Variants in TENM3 observed in about 807,000 individuals in gnomAD.
TENM3 encodes the protein teneurin-3.
A neutral mutation model predicts 255.1 loss-of-function variants in TENM3; 63 were observed. The ratio of observed to expected loss-of-function variants is 0.25; its 90% CI spans 0.20 to 0.30. TENM3 has a LOEUF of 0.30. TENM3 is among the 10% of genes least tolerant of loss of function. TENM3 has a pLI of 1.00. For missense variants in TENM3, 2,929 were observed against 3,461.1 expected (o/e 0.85, Z 3.86); for synonymous variants, 1,306 against 1,322.3 (o/e 0.99, Z 0.27).
At chr4:181,958,922 G>T in the TENM3 span, among the ~76,000 whole-genome samples, 1 of 152,060 alleles carries the variant, frequency 6.6e-6, no homozygotes, top group African/African-American at 2.4e-5. Context: ...GTATATAAAC[G>T]TATTTCAATA....
intron 13 of TENM3, among the ~76,000 whole-genome samples, chr4:182,722,534 G>A (rs555495709): frequency 6.6e-6 from 1 of 151,832 alleles, no homozygotes; most frequent in Non-Finnish European, 1.5e-5. Flanking sequence ...TGAAGGAATT[G>A]AGGGCTATGT....
At chr4:182,778,764 A>G (rs1471019360) in intron 24 of TENM3, among the ~76,000 whole-genome samples, 1 of 151,994 alleles carries the variant, frequency 6.6e-6, no homozygotes, top group African/African-American at 2.4e-5. Flanking sequence ...ATTTTTTTCC[A>G]TGCTTACTTA....
chr4:182,489,066 A>C (rs748314779), intron 3 of TENM3, among the ~76,000 whole-genome samples: 1 of 152,174 alleles, frequency 6.6e-6, no homozygotes, highest in Admixed American at 6.5e-5. Flanking sequence ...GTGAGTATAC[A>C]TGCTTTTCTG....
intron 19 of TENM3, among the ~76,000 whole-genome samples, chr4:182,749,345 C>CAAACCT (rs1341801470): frequency 6.6e-6 from 1 of 152,096 alleles, no homozygotes; most frequent in African/African-American, 2.4e-5. Context: ...TTAGGTTTAA[C>CAAACCT]AAACCTAAAC....
intron 1 of TENM3, among the ~76,000 whole-genome samples, chr4:182,176,134 G>C (rs937155689): frequency 2.7e-5 from 3 of 110,552 alleles, no homozygotes; most frequent in Admixed American, 9.7e-5. Flanking sequence ...TGTTAGACTT[G>C]TATCACACAG....
chr4:182,037,150 A>ATTTTTTTTTTTTTTTTT, the TENM3 span, among the ~76,000 whole-genome samples: 447 of 144,630 alleles, frequency 3.1e-3, 11 homozygotes, highest in African/African-American at 0.011. Context: ...AACTCCTTTT[A>ATTTTTTTTTTTTTTTTT]TTTTTTTTTT....
intron 1 of TENM3, among the ~76,000 whole-genome samples, chr4:182,289,556 T>G (rs1311554159): frequency 6.6e-6 from 1 of 152,232 alleles, no homozygotes; most frequent in East Asian, 1.9e-4. Flanking sequence ...TAACTAAATC[T>G]TATTGAGGGA....
the TENM3 span, among the ~76,000 whole-genome samples, chr4:181,985,174 T>C: frequency 1.1e-4 from 17 of 151,704 alleles, no homozygotes; most frequent in African/African-American, 3.9e-4. Flanking sequence ...AGAAAAAGAA[T>C]GTATATAATT....
intron 12 of TENM3, among the ~76,000 whole-genome samples, chr4:182,708,780 A>G (rs1397563511): frequency 6.8e-6 from 1 of 148,018 alleles, no homozygotes; most frequent in African/African-American, 2.5e-5. Flanking sequence ...CCTGGGCGAC[A>G]GAGCGAGACT....
At chr4:182,029,256 A>G in the TENM3 span, among the ~76,000 whole-genome samples, 5 of 151,950 alleles carry the variant, frequency 3.3e-5, no homozygotes, top group African/African-American at 1.2e-4. Context: ...ATGGTTTAAC[A>G]TTTCCCCCTC....
chr4:181,868,494 C>T, the TENM3 span, among the ~76,000 whole-genome samples: 1 of 152,184 alleles, frequency 6.6e-6, no homozygotes, highest in African/African-American at 2.4e-5. Context: ...TTACTCTCAA[C>T]CCCAGCAAAC....
the TENM3 span, among the ~76,000 whole-genome samples, chr4:181,863,439 A>C: frequency 6.6e-6 from 1 of 152,214 alleles, no homozygotes; most frequent in Admixed American, 6.5e-5. Context: ...TAGGAAATGT[A>C]ATGTACATTC....
Position 182,335,309 on chromosome 4 carries a change from A to ACC in TENM3, c.232+11057_232+11058insCC, listed in dbSNP as rs761016988. On this transcript the variant is annotated intron_variant, in intron 2 of 27. Transcript: ENST00000511685. ...GTCAGGAGATCGAGACCATCCTGTGAATGGTGAAACCCCGTCTCTACTAAA... is the reference window on the plus strand; with the variant it reads ...GTCAGGAGATCGAGACCATCCTGTGACCATGGTGAAACCCCGTCTCTACTAAA... Among the ~76,000 whole-genome samples, 2 of 73,200 alleles carry ACC rather than the reference A, an allele frequency of 2.7e-5. 1 individual carries two copies. The highest frequency in any genetic ancestry group is 1.0e-4 in the African/African-American group (2 of 19,786). The allele number at this position is 73,200 out of a possible 152,430, so 48.0% of individuals were successfully genotyped here.
the TENM3 span, among the ~76,000 whole-genome samples, chr4:181,942,265 G>T: frequency 9.9e-6 from 1 of 101,160 alleles, no homozygotes; most frequent in South Asian, 4.1e-4. Context: ...CTATGATGTT[G>T]GGCCTTTTTT....
the TENM3 span, among the ~76,000 whole-genome samples, chr4:181,458,325 G>A: frequency 3.9e-5 from 6 of 152,046 alleles, no homozygotes; most frequent in South Asian, 1.2e-3. Flanking sequence ...TTTTAGAACA[G>A]TGAATCAGTG....
At chr4:181,474,521 G>A in the TENM3 span, among the ~76,000 whole-genome samples, 1 of 151,984 alleles carries the variant, frequency 6.6e-6, no homozygotes, top group Non-Finnish European at 1.5e-5. Context: ...GAATCATGGG[G>A]TCAGGAGTTT....
the TENM3 span, among the ~76,000 whole-genome samples, chr4:181,954,740 C>G: frequency 1.3e-5 from 2 of 152,002 alleles, no homozygotes; most frequent in African/African-American, 4.8e-5. Context: ...TTTGTTTCTG[C>G]TTTTTGCATC....
At chr4:182,682,093 C>A in intron 11 of TENM3, 79 bp downstream of exon 11, 2 of 1,135,756 alleles carry the variant, frequency 1.8e-6, no homozygotes, top group Admixed American at 2.1e-5. Context: ...TTAAACCTCC[C>A]TTTTTAAACC....
intron 1 of TENM3, among the ~76,000 whole-genome samples, chr4:182,292,997 T>A (rs1354111468): frequency 6.6e-6 from 1 of 152,182 alleles, no homozygotes; most frequent in African/African-American, 2.4e-5. Flanking sequence ...GGAGCTGGGC[T>A]TATTGTCATG....
Sources: gnomAD v4.1 joint callset for allele counts (sites outside exome capture counted in the v4.1 genomes callset) on GRCh38, gnomAD v4.1.1 for gene constraint, MANE v1.5 for transcripts, NCBI Gene and HGNC (gene_info 2026-07-23, HGNC 2026-07-21) for gene names.